The following DLG2 variants were observed in gnomAD, a reference collection of about 807,000 sequenced individuals.
DLG2 encodes discs large MAGUK scaffold protein 2.
In DLG2, 45 loss-of-function variants were observed where a neutral mutation model predicts 132.5. The ratio of observed to expected loss-of-function variants is 0.34; its 90% confidence interval spans 0.27 to 0.44. The LOEUF (loss-of-function observed/expected upper bound fraction) is 0.44. DLG2 is among the 20% of genes least tolerant of loss of function. The pLI is 1.00. For missense variants in DLG2, 1,045 were observed against 1,196.9 expected (o/e 0.87, Z 1.87); for synonymous variants, 424 against 419.6 (o/e 1.01, Z -0.13).
chr11:84,615,818 T>TAAAAAAAAAAAAACAAAAA (rs2099603037), intron 6 of DLG2, among the ~76,000 whole-genome samples: 1 of 67,640 alleles, frequency 1.5e-5, no homozygotes, highest in African/African-American at 6.1e-5. Context: ...ACAAAAACGG[T>TAAAAAAAAAAAAACAAAAA]AAAAAAAAAA....
rs2095713116 is a variant in DLG2, at chr11:84,032,092, T to C, written c.919+27223A>G. On this transcript the variant is annotated intron_variant, in intron 11 of 27. Coordinates refer to ENST00000376104, the MANE Select transcript of DLG2 (RefSeq NM_001142699.3). ...CTGTTCTCGCTCCCTCTTCTTGGGC[T>C]TACCCTATTCCCCAAGACCCCGAGG... is the stretch of plus-strand genomic sequence containing the variant. 2.0e-5 allele frequency among the ~76,000 whole-genome samples: 3 copies of C among 152,156 alleles called. No homozygotes were observed. In the South Asian group the frequency reaches 6.2e-4, roughly 32 times the overall value.
At chr11:83,700,007 A>G (rs1471198992) in intron 18 of DLG2, among the ~76,000 whole-genome samples, 1 of 151,734 alleles carries the variant, frequency 6.6e-6, no homozygotes, top group Non-Finnish European at 1.5e-5. Flanking sequence ...ACAGAAAGAT[A>G]CACAAAAACC....
At chr11:85,021,404 G>C (rs1409688849) in intron 6 of DLG2, 4 of 1,375,486 alleles carry the variant, frequency 2.9e-6, no homozygotes, top group Non-Finnish European at 4.2e-6. Flanking sequence ...ACTGGAGCCA[G>C]GTTAATATCT....
chr11:84,264,902 C>T (rs528917587), intron 7 of DLG2, among the ~76,000 whole-genome samples: 253 of 152,260 alleles, frequency 1.7e-3, no homozygotes, highest in African/African-American at 5.8e-3. Flanking sequence ...CCCTGTAGAA[C>T]TTAGTCAAGT....
intron 6 of DLG2, among the ~76,000 whole-genome samples, chr11:85,067,489 T>C (rs576860449): frequency 2.6e-5 from 4 of 152,024 alleles, no homozygotes; most frequent in Non-Finnish European, 4.4e-5. Context: ...TTTAGTGCTA[T>C]AAATTTCCCT....
intron 3 of DLG2, among the ~76,000 whole-genome samples, chr11:85,482,471 A>G (rs892305115): frequency 1.3e-5 from 2 of 152,142 alleles, no homozygotes; most frequent in African/African-American, 2.4e-5. Flanking sequence ...CAGAAGAACC[A>G]GTCCCCACGA....
intron 6 of DLG2, among the ~76,000 whole-genome samples, chr11:85,068,995 C>T (rs996332466): frequency 5.3e-5 from 8 of 152,140 alleles, no homozygotes; most frequent in Non-Finnish European, 1.0e-4. Flanking sequence ...AGAAATAATG[C>T]TGCATATCTA....
chr11:85,595,826 AAAGTT>A (rs2079715128), intron 3 of DLG2, among the ~76,000 whole-genome samples: 1 of 152,234 alleles, frequency 6.6e-6, no homozygotes, highest in Admixed American at 6.5e-5. Context: ...TTTTATAATC[AAAGTT>A]ATGTTACAAA....
intron 10 of DLG2, among the ~76,000 whole-genome samples, chr11:84,097,015 G>A (rs2097174071): frequency 6.6e-6 from 1 of 152,094 alleles, no homozygotes; most frequent in Non-Finnish European, 1.5e-5. Flanking sequence ...TGATTCATAA[G>A]AAAAACAGCA....
chr11:85,582,705 A>AAAAAAAAAAAAAAAG (rs1565716140), intron 3 of DLG2, among the ~76,000 whole-genome samples: 1 of 138,290 alleles, frequency 7.2e-6, no homozygotes, highest in Non-Finnish European at 1.6e-5. Context: ...AAAAAAAAAA[A>AAAAAAAAAAAAAAAG]CTCGTGCAGC....
At chr11:84,627,391 T>A (rs1465173886) in intron 6 of DLG2, among the ~76,000 whole-genome samples, 3 of 152,218 alleles carry the variant, frequency 2.0e-5, no homozygotes, top group Non-Finnish European at 4.4e-5. Flanking sequence ...CCAATTCCAT[T>A]TCTGAACTCT....
chr11:83,825,236 C>A (rs1290716394), intron 17 of DLG2, among the ~76,000 whole-genome samples: 4 of 133,614 alleles, frequency 3.0e-5, no homozygotes, highest in Non-Finnish European at 6.1e-5. Flanking sequence ...GGCTGGAATG[C>A]AATGGCATGA....
intron 6 of DLG2, among the ~76,000 whole-genome samples, chr11:84,596,812 C>A (rs555954167): frequency 6.6e-6 from 1 of 152,070 alleles, no homozygotes; most frequent in African/African-American, 2.4e-5. Flanking sequence ...CTTAATTGTA[C>A]GAAATATATC....
At chr11:84,795,454 T>C (rs1479119413) in intron 6 of DLG2, among the ~76,000 whole-genome samples, 1 of 151,828 alleles carries the variant, frequency 6.6e-6, no homozygotes, top group African/African-American at 2.4e-5. Flanking sequence ...TGCTGAGAGC[T>C]GGACACTCAT....
rs547125273 is a variant in DLG2 at position 85,127,804 on chromosome 11, A to C, written c.283-16069T>G. On this transcript the variant is annotated intron_variant, in intron 5 of 27. Transcript: ENST00000376104. ...AATAAAAATCATTTTAGCTTTTCCAAATACCTTATTTGCAAATATTTCTGT... is the reference window on the plus strand; with the variant it reads ...AATAAAAATCATTTTAGCTTTTCCACATACCTTATTTGCAAATATTTCTGT... 3.9e-5 allele frequency among the ~76,000 whole-genome samples: 6 copies of C among 152,308 alleles called. No homozygotes were observed. The East Asian group carries it at 1.2e-3, about 29-fold the overall frequency.
At chr11:85,160,405 T>C (rs973921797) in intron 4 of DLG2, among the ~76,000 whole-genome samples, 1 of 152,222 alleles carries the variant, frequency 6.6e-6, no homozygotes, top group Non-Finnish European at 1.5e-5. Context: ...CAGAGGCTTC[T>C]AGGATTTTGG....
chr11:83,581,948 C>CTTTTTTTTTTTTTTTTTTTTT (rs71849863), intron 19 of DLG2, among the ~76,000 whole-genome samples: 1 of 52,634 alleles, frequency 1.9e-5, no homozygotes, highest in Non-Finnish European at 3.1e-5. Flanking sequence ...AGTTTGGACT[C>CTTTTTTTTTTTTTTTTTTTTT]TTTTTTTTTT....
chr11:85,043,762 A>G (rs1196582101), intron 6 of DLG2, among the ~76,000 whole-genome samples: 3 of 151,970 alleles, frequency 2.0e-5, no homozygotes, highest in Non-Finnish European at 4.4e-5. Context: ...TATTTTTAAT[A>G]GAAAATTACA....
intron 3 of DLG2, among the ~76,000 whole-genome samples, chr11:85,311,910 G>T (rs1365712771): frequency 6.6e-6 from 1 of 151,936 alleles, no homozygotes; most frequent in African/African-American, 2.4e-5. Flanking sequence ...ATGCTGCCAA[G>T]AACCACAAAA....
Sources: allele counts gnomAD v4.1 joint callset (sites outside exome capture counted in the v4.1 genomes callset), GRCh38; gene constraint gnomAD v4.1.1; transcripts MANE v1.5; gene names NCBI Gene and HGNC (gene_info 2026-07-23, HGNC 2026-07-21).